Variants in CBLB observed in about 807,000 individuals in gnomAD.
CBLB encodes Cbl proto-oncogene B.
In CBLB, 31 loss-of-function variants were observed where a neutral mutation model predicts 104.9. The ratio of observed to expected loss-of-function variants is 0.30; its 90% CI spans 0.22 to 0.40. CBLB has a LOEUF of 0.40. Ranked by LOEUF, CBLB falls within the 10% of genes least tolerant of loss-of-function variation. The probability of loss-of-function intolerance (pLI) is 1.00; values close to 1 mark genes in which losing one functional copy is unlikely to be tolerated. For missense variants in CBLB, 1,062 were observed against 1,214.6 expected (o/e 0.87, Z 1.87); for synonymous variants, 440 against 422.6 (o/e 1.04, Z -0.51).
At chr3:105,845,691 T>A (rs1268393312) in intron 3 of CBLB, among the ~76,000 whole-genome samples, 1 of 152,038 alleles carries the variant, frequency 6.6e-6, no homozygotes, top group Non-Finnish European at 1.5e-5. Context: ...TTCTGCAAGC[T>A]CTCACCTGCC....
Position 105,805,199 on chromosome 3 carries a change from T to A in CBLB, c.420-28657A>T, listed in dbSNP as rs565917170. Among the ~76,000 whole-genome samples, 5 of 152,242 alleles carry A rather than the reference T, an allele frequency of 3.3e-5. No individual in the cohort carries two copies. The East Asian group carries it at 9.6e-4, about 29-fold the overall frequency. On this transcript the variant is annotated intron_variant, in intron 3 of 18. Transcript: ENST00000394030. Reference sequence around the variant, plus strand: ...AATGCCAATGGTACCCTAATTTTTATAAAGTTCGCATTTCTGAGCATGACA... The same window carrying A: ...AATGCCAATGGTACCCTAATTTTTAAAAAGTTCGCATTTCTGAGCATGACA...
intron 15 of CBLB, 53 bp downstream of exon 15, chr3:105,681,671 A>T (rs1185777308): frequency 3.1e-6 from 5 of 1,607,596 alleles, no homozygotes; most frequent in Non-Finnish European, 4.3e-6. Context: ...TTTTGCCTTT[A>T]AATTCTGACC....
At chr3:105,806,298 C>G (rs2083481951) in intron 3 of CBLB, among the ~76,000 whole-genome samples, 1 of 152,052 alleles carries the variant, frequency 6.6e-6, no homozygotes, top group African/African-American at 2.4e-5. Flanking sequence ...TCTGTACATA[C>G]TCATGTAAAT....
chr3:105,674,992 T>TA (rs1171785440), intron 17 of CBLB, among the ~76,000 whole-genome samples: 2 of 152,188 alleles, frequency 1.3e-5, no homozygotes, highest in Non-Finnish European at 2.9e-5. Flanking sequence ...ATCACTACTA[T>TA]ATAGAAGTCA....
At chr3:105,742,584 GATATT>G (rs1296677965) in intron 6 of CBLB, among the ~76,000 whole-genome samples, 3 of 151,840 alleles carry the variant, frequency 2.0e-5, no homozygotes, top group African/African-American at 7.3e-5. Flanking sequence ...CTACGGCTAT[GATATT>G]ATGAGAAGTG....
intron 3 of CBLB, among the ~76,000 whole-genome samples, chr3:105,805,706 C>T (rs1370534672): frequency 6.6e-6 from 1 of 152,160 alleles, no homozygotes; most frequent in African/African-American, 2.4e-5. Context: ...AAGAGCCTTC[C>T]CTCACATGGG....
intron 3 of CBLB, among the ~76,000 whole-genome samples, chr3:105,838,602 TA>T (rs2088992698): frequency 6.6e-6 from 1 of 151,004 alleles, no homozygotes; most frequent in Admixed American, 6.6e-5. Flanking sequence ...CAGAAAAACA[TA>T]AGAAGAGAAT....
chr3:105,794,999 T>TGA, intron 3 of CBLB, among the ~76,000 whole-genome samples: 1 of 151,762 alleles, frequency 6.6e-6, no homozygotes, highest in Non-Finnish European at 1.5e-5. Context: ...CACTGCAATC[T>TGA]GTCTCCCGGG....
At chr3:105,671,433 C>T (rs574550286) in intron 17 of CBLB, 2 of 216,340 alleles carry the variant, frequency 9.2e-6, no homozygotes, top group Non-Finnish European at 1.9e-5. Context: ...ACACTCTTGG[C>T]AAATAGCTTG....
rs193091706 is a variant in CBLB at position 105,834,254 on chromosome 3, A to T, written c.419+19160T>A. On this transcript the variant is annotated intron_variant, in intron 3 of 18. Coordinates refer to ENST00000394030, the MANE Select transcript of CBLB (RefSeq NM_170662.5). ...CACCAGTTAAAAAAGAAAAAAAGTA[A>T]GTATGGGAAGTAATGGCTATGTTAA... 1.6e-3 allele frequency among the ~76,000 whole-genome samples: 245 copies of T among 152,338 alleles called. 1 individual carries two copies. Among genetic ancestry groups the T allele is most frequent in the African/African-American group, 4.4e-3 (184 of 41,582 alleles).
intron 3 of CBLB, among the ~76,000 whole-genome samples, chr3:105,815,303 G>A (rs1030980744): frequency 2.0e-5 from 3 of 152,116 alleles, no homozygotes; most frequent in African/African-American, 7.2e-5. Flanking sequence ...TTAGAATGTA[G>A]TAGTGAAAGG....
In CBLB at chr3:105,744,251, TCA is replaced by T. The variant is rs971665447; in HGVS notation, c.845+1664_845+1665del. Among the ~76,000 whole-genome samples, 4 of 150,384 alleles carry T rather than the reference TCA, an allele frequency of 2.7e-5. No individual in the cohort carries two copies. In the East Asian group the frequency reaches 5.9e-4, roughly 22 times the overall value. On this transcript the variant is annotated intron_variant, in intron 6 of 18. Transcript: ENST00000394030. ...TGGACAAGAAAATTTATCAAATAAC[TCA>T]CATGTTAAATTTTGTATGACTGCAT... is the stretch of plus-strand genomic sequence containing the variant.
intron 18 of CBLB, among the ~76,000 whole-genome samples, chr3:105,663,596 G>A (rs780720429): frequency 2.6e-5 from 4 of 152,086 alleles, no homozygotes; most frequent in Non-Finnish European, 5.9e-5. Flanking sequence ...GCCTCCAGTG[G>A]TATAGTGAGT....
chr3:105,860,496 C>T (rs901218369), intron 2 of CBLB, among the ~76,000 whole-genome samples: 2 of 152,140 alleles, frequency 1.3e-5, no homozygotes, highest in African/African-American at 4.8e-5. Flanking sequence ...TCAAGCAAAC[C>T]TAGGATCTGG....
At chr3:105,741,457 G>A (rs1234333003) in intron 6 of CBLB, among the ~76,000 whole-genome samples, 11 of 152,006 alleles carry the variant, frequency 7.2e-5, no homozygotes, top group Admixed American at 3.9e-4. Context: ...GTGCAGTGGC[G>A]CAATCACGGC....
At chr3:105,678,746 C>G (rs2065947765) in intron 16 of CBLB, among the ~76,000 whole-genome samples, 175 bp from the exon 17 acceptor site, 8 of 152,158 alleles carry the variant, frequency 5.3e-5, no homozygotes, top group Admixed American at 5.2e-4. Context: ...GTGGGAGAGT[C>G]TGGAGAGAAA....
At chr3:105,860,911 C>G (rs1391727200) in intron 2 of CBLB, among the ~76,000 whole-genome samples, 1 of 152,078 alleles carries the variant, frequency 6.6e-6, no homozygotes, top group African/African-American at 2.4e-5. Flanking sequence ...TCTTCAAACC[C>G]AAGAGGCTCT....
chr3:105,737,049 T>G (rs751096273), intron 8 of CBLB, 122 bp downstream of exon 8: 7 of 454,354 alleles, frequency 1.5e-5, no homozygotes, highest in Non-Finnish European at 2.0e-5. Context: ...CTCTTAGAAT[T>G]CCTTAAGTAT....
At chr3:105,817,311 C>G (rs2085201029) in intron 3 of CBLB, among the ~76,000 whole-genome samples, 2 of 151,990 alleles carry the variant, frequency 1.3e-5, no homozygotes, top group South Asian at 2.1e-4. Context: ...AACACAGTTG[C>G]AAGAACAGGG....
Sources: allele counts gnomAD v4.1 joint callset (sites outside exome capture counted in the v4.1 genomes callset), GRCh38; gene constraint gnomAD v4.1.1; transcripts MANE v1.5; gene names NCBI Gene and HGNC (gene_info 2026-07-23, HGNC 2026-07-21).